SYNE1: variants seen among roughly 807,000 people sequenced by gnomAD.
The protein encoded by SYNE1 is spectrin repeat containing nuclear envelope protein 1.
SYNE1 carries 616 observed loss-of-function variants against 1,111.0 expected under a neutral mutation model. That is an observed-to-expected ratio of 0.55 (90% CI 0.52 to 0.59). The LOEUF is 0.59. SYNE1 is among the 20% of genes least tolerant of loss of function. The probability of loss-of-function intolerance (pLI) is 0.00; values close to 1 mark genes in which losing one functional copy is unlikely to be tolerated. For missense variants in SYNE1, 10,006 were observed against 10,417.0 expected (o/e 0.96, Z 1.72); for synonymous variants, 3,855 against 3,825.8 (o/e 1.01, Z -0.28).
At chr6:152,472,011 C>T in intron 15 of SYNE1, 1 of 592,652 alleles carries the variant, frequency 1.7e-6, no homozygotes. Context: ...CTTTTATAAG[C>T]TGTTTTTGCA....
chr6:152,230,511 G>T, intron 115 of SYNE1, 36 bp downstream of exon 115: 1 of 1,605,650 alleles, frequency 6.2e-7, no homozygotes, highest in East Asian at 2.2e-5. Flanking sequence ...CTATGAAATT[G>T]TGAGATGGTG....
intron 89 of SYNE1, 116 bp from the exon 90 acceptor site, chr6:152,310,133 AAT>A (rs2095503662): frequency 7.7e-7 from 1 of 1,303,066 alleles, no homozygotes; most frequent in South Asian, 1.4e-5. Flanking sequence ...AAAAAAAAAA[AAT>A]GTTTAAAACA....
intron 129 of SYNE1, among the ~76,000 whole-genome samples, chr6:152,178,349 G>C (rs1402238643): frequency 1.3e-5 from 2 of 152,090 alleles, no homozygotes; most frequent in Admixed American, 6.6e-5. Context: ...AGCATTCTCT[G>C]ACACCCAGCA....
chr6:152,333,964 G>T, intron 77 of SYNE1, 44 bp downstream of exon 77: 3 of 1,613,500 alleles, frequency 1.9e-6, no homozygotes, highest in Non-Finnish European at 2.5e-6. Context: ...ATTAAGAAAT[G>T]TCTGGCTTAG....
Position 152,381,145 on chromosome 6 carries a change from T to C in SYNE1, c.8870A>G (p.Glu2957Gly). 6.2e-7 allele frequency: 1 copy of C among 1,614,180 alleles called. No individual in the cohort carries two copies. The highest frequency in any genetic ancestry group is 8.5e-7 in the Non-Finnish European group (1 of 1,180,026). ...LVSQMALSEQ[E>G]FSGQVAQLEQ... ...CAGTTGAGCCACTTGGCCTGAGAAT[T>C]CCTGCTCCGAAAGGGCCATCTGGCT... The change falls in exon 56 of 146, where the codon GAA (glutamate) becomes GGA (glycine). Residue 2957 changes from glutamate (E) to glycine (G), a missense_variant. Physicochemically the swap from Glu to Gly is moderately conservative, Grantham distance 98. This residue lies in a region of SYNE1 where 4,955 missense variants were observed against 5,017.2 expected (regional missense o/e 0.99). Coordinates refer to ENST00000367255, the MANE Select transcript of SYNE1 (RefSeq NM_182961.4).
At chr6:152,554,078 G>A (rs183955480) in intron 3 of SYNE1, among the ~76,000 whole-genome samples, 1 of 152,140 alleles carries the variant, frequency 6.6e-6, no homozygotes, top group African/African-American at 2.4e-5. Context: ...TCAGCTGTGA[G>A]TCTTCAGCAG....
intron 98 of SYNE1, among the ~76,000 whole-genome samples, chr6:152,272,393 T>C (rs965734087): frequency 8.5e-5 from 13 of 152,194 alleles, no homozygotes; most frequent in Non-Finnish European, 1.9e-4. Flanking sequence ...ATTTTGGAAA[T>C]ACTAGAACAG....
intron 101 of SYNE1, among the ~76,000 whole-genome samples, chr6:152,259,566 G>A (rs6557211): frequency 0.076 from 11,566 of 152,086 alleles, 763 homozygotes; most frequent in African/African-American, 0.17. Flanking sequence ...CAGAGATATC[G>A]GCTTCCTGAT....
intron 82 of SYNE1, among the ~76,000 whole-genome samples, chr6:152,323,135 C>G (rs1266248806): frequency 6.6e-6 from 1 of 152,104 alleles, no homozygotes; most frequent in Non-Finnish European, 1.5e-5. Flanking sequence ...CCTACTTATC[C>G]CAAGGCCAAG....
chr6:152,454,381 G>A (rs2098678736), intron 24 of SYNE1, among the ~76,000 whole-genome samples: 1 of 152,178 alleles, frequency 6.6e-6, no homozygotes, highest in African/African-American at 2.4e-5. Context: ...CGCTTATGAG[G>A]AGGGACACCA....
chr6:152,379,742 C>G (rs2097365105), intron 56 of SYNE1, among the ~76,000 whole-genome samples: 1 of 152,178 alleles, frequency 6.6e-6, no homozygotes, highest in African/African-American at 2.4e-5. Flanking sequence ...CTATTTAACA[C>G]AACTGAAAAC....
chr6:152,623,380 T>C (rs746705226), intron 3 of SYNE1, among the ~76,000 whole-genome samples: 8 of 151,916 alleles, frequency 5.3e-5, no homozygotes, highest in Non-Finnish European at 1.0e-4. Flanking sequence ...ACTCAAGATA[T>C]ATTAAAGACT....
At chr6:152,511,177 C>T in intron 6 of SYNE1, 74 bp from the exon 7 acceptor site, 1 of 1,309,368 alleles carries the variant, frequency 7.6e-7, no homozygotes, top group Non-Finnish European at 1.1e-6. Flanking sequence ...AACAATTAGG[C>T]CTTTAGTAGA....
rs146995682 is a variant in SYNE1 at position 152,250,389 on chromosome 6, T to C, written c.19471-1127A>G. ...TCAGGACCTCTTTACCAGGGCCTGATCACGCACATCACCAACATGCAAACA... is the reference window on the plus strand; with the variant it reads ...TCAGGACCTCTTTACCAGGGCCTGACCACGCACATCACCAACATGCAAACA... On this transcript the variant is annotated intron_variant, in intron 104 of 145. Coordinates refer to ENST00000367255, the MANE Select transcript of SYNE1 (RefSeq NM_182961.4). 5.9e-3 allele frequency among the ~76,000 whole-genome samples: 903 copies of C among 152,300 alleles called. 6 individuals carry two copies. The highest frequency in any genetic ancestry group is 0.021 in the African/African-American group (856 of 41,550).
intron 130 of SYNE1, among the ~76,000 whole-genome samples, chr6:152,171,771 A>T (rs1392050247): frequency 6.6e-6 from 1 of 152,172 alleles, no homozygotes; most frequent in East Asian, 1.9e-4. Context: ...CTGTTTTGGT[A>T]AACAAAATTT....
At chr6:152,578,222 C>T (rs2099507751) in intron 3 of SYNE1, among the ~76,000 whole-genome samples, 1 of 152,056 alleles carries the variant, frequency 6.6e-6, no homozygotes, top group African/African-American at 2.4e-5. Flanking sequence ...CATGGAAATA[C>T]ACAGGAAGAT....
chr6:152,299,094 C>A (rs2095040271), intron 93 of SYNE1, among the ~76,000 whole-genome samples: 1 of 152,140 alleles, frequency 6.6e-6, no homozygotes, highest in Non-Finnish European at 1.5e-5. Flanking sequence ...TTGCATGTTT[C>A]ATCATTTTTA....
chr6:152,336,256 T>A (rs6914571), intron 76 of SYNE1: 132,775 of 168,134 alleles, frequency 0.79, 53,117 homozygotes, highest in African/African-American at 0.93. Context: ...TAATGTAGAG[T>A]ATGAATGTCT....
intron 91 of SYNE1, 24 bp downstream of exon 91, chr6:152,308,465 G>A: frequency 6.2e-7 from 1 of 1,613,902 alleles, no homozygotes; most frequent in South Asian, 1.1e-5. Context: ...CCTGCCCTCG[G>A]TATTTCGCCT....
Sources: allele counts gnomAD v4.1 joint callset (sites outside exome capture counted in the v4.1 genomes callset), GRCh38; gene constraint gnomAD v4.1.1; regional missense constraint gnomAD v4.1.1; transcripts MANE v1.5; gene names NCBI Gene and HGNC (gene_info 2026-07-23, HGNC 2026-07-21).